Variants in RFTN1 observed in about 807,000 individuals in gnomAD.
The protein encoded by RFTN1 is raftlin.
Under a neutral mutation model 46.5 loss-of-function variants are expected in RFTN1, and 26 were observed. That is an observed-to-expected ratio of 0.56 (90% CI 0.41 to 0.78). The LOEUF (loss-of-function observed/expected upper bound fraction) is 0.78, where lower values mean the gene tolerates loss of function less well. Among genes scored for constraint, RFTN1 ranks in the 30% least tolerant of loss-of-function variants. The pLI is 0.00. For missense variants in RFTN1, 693 were observed against 718.7 expected (o/e 0.96, Z 0.41); for synonymous variants, 261 against 284.2 (o/e 0.92, Z 0.82).
chr3:16,463,251 A>T (rs1013621856), intron 2 of RFTN1, among the ~76,000 whole-genome samples: 16 of 152,254 alleles, frequency 1.1e-4, no homozygotes, highest in African/African-American at 3.1e-4. Context: ...TCCCTCCCTC[A>T]AACACTGCTT....
intron 6 of RFTN1, among the ~76,000 whole-genome samples, chr3:16,365,530 C>CA (rs796105659): frequency 2.2e-5 from 3 of 134,142 alleles, no homozygotes; most frequent in Non-Finnish European, 3.1e-5. Context: ...TGCTAGGTGT[C>CA]AAAAAAAGGT....
At position 16,475,186 on chromosome 3, in the gene RFTN1, C is replaced by T. The variant is rs1048176258; in HGVS notation, c.145+18539G>A. On this transcript the variant is annotated intron_variant, in intron 2 of 9. Transcript: ENST00000334133. The surrounding 1 kb of genome is among the most constrained non-coding windows in gnomAD (Gnocchi z 4.2). ...ATGTTTGGAAGCTCCTGGAAGCCCT[C>T]ACCAGAAGCAGATGCTGACGCCATG... is the stretch of plus-strand genomic sequence containing the variant. Among the ~76,000 whole-genome samples the T allele has an allele frequency of 2.6e-5, 4 of 152,238 alleles. No homozygotes were observed. In the East Asian group the frequency reaches 5.8e-4, roughly 22 times the overall value.
chr3:16,434,158 TC>T, intron 2 of RFTN1, 121 bp from the exon 3 acceptor site: 1 of 828,904 alleles, frequency 1.2e-6, no homozygotes, highest in Non-Finnish European at 1.8e-6. Context: ...AATGAGTTTG[TC>T]CCAGTTTTTA....
At chr3:16,404,717 A>C (rs2074810203) in intron 4 of RFTN1, among the ~76,000 whole-genome samples, 1 of 151,558 alleles carries the variant, frequency 6.6e-6, no homozygotes, top group Non-Finnish European at 1.5e-5. Context: ...CTCCAGTCTC[A>C]GTTCCTCACT....
At position 16,337,593 on chromosome 3, in the gene RFTN1, T is replaced by G. The variant is rs149206579; in HGVS notation, c.1147-10717A>C. Among the ~76,000 whole-genome samples the G allele has an allele frequency of 1.5e-4, 23 of 151,786 alleles. No homozygotes were observed. The highest frequency in any genetic ancestry group is 5.1e-4 in the African/African-American group (21 of 41,374). ...CTCGTCTCTACTAAAAATACAAAAA[T>G]TAGCCAAGCATGGTGGCAGGCGCCT... On this transcript the variant is annotated intron_variant, in intron 7 of 9. Transcript: ENST00000334133. The surrounding 1 kb of genome is among the most constrained non-coding windows in gnomAD (Gnocchi z 5.0).
chr3:16,395,535 T>C (rs1324773594), intron 4 of RFTN1, among the ~76,000 whole-genome samples: 1 of 151,950 alleles, frequency 6.6e-6, no homozygotes, highest in Non-Finnish European at 1.5e-5. Flanking sequence ...AACTTCGAAC[T>C]CCTGGAATCA....
At position 16,356,585 on chromosome 3, in the gene RFTN1, A is replaced by G. The variant is rs964111625; in HGVS notation, c.1146+1347T>C. On this transcript the variant is annotated intron_variant, in intron 7 of 9. Coordinates refer to ENST00000334133, the MANE Select transcript of RFTN1 (RefSeq NM_015150.2). The surrounding 1 kb of genome is among the most constrained non-coding windows in gnomAD (Gnocchi z 4.9). Reference sequence around the variant, plus strand: ...TAGTGTCCCGGGGGACATCCAACTCACCCCCCACCATCCCATCTCCACTTC... The same window carrying G: ...TAGTGTCCCGGGGGACATCCAACTCGCCCCCCACCATCCCATCTCCACTTC... Among the ~76,000 whole-genome samples, 1 of 151,844 alleles carries G rather than the reference A, an allele frequency of 6.6e-6. No individual in the cohort carries two copies. Among genetic ancestry groups the G allele is most frequent in the Admixed American group, 6.6e-5 (1 of 15,246 alleles).
rs372955811 is a variant in RFTN1 at position 16,457,459 on chromosome 3, A to G, written c.146-23422T>C. 1.2e-4 allele frequency among the ~76,000 whole-genome samples: 19 copies of G among 152,252 alleles called. No individual in the cohort carries two copies. Among genetic ancestry groups the G allele is most frequent in the Admixed American group, 9.2e-4 (14 of 15,288 alleles). On this transcript the variant is annotated intron_variant, in intron 2 of 9. Transcript: ENST00000334133. This position sits in a 1 kb window ranked among gnomAD's most constrained non-coding sequence, Gnocchi z 4.2. The stretch of plus-strand genomic sequence containing the variant: ...CATTTCTAGAACATAGTAGTACTCA[A>G]TAAATGCCGGTTATCATTATACCTT...
At chr3:16,403,740 A>G (rs1194356225) in intron 4 of RFTN1, among the ~76,000 whole-genome samples, 1 of 21,380 alleles carries the variant, frequency 4.7e-5, no homozygotes, top group Non-Finnish European at 6.7e-5. Context: ...TATATATTAT[A>G]TTATATATTA....
chr3:16,378,151 C>G, intron 4 of RFTN1, 49 bp from the exon 5 acceptor site: 3 of 1,525,032 alleles, frequency 2.0e-6, no homozygotes, highest in East Asian at 2.3e-5. Context: ...AATGGTCTAT[C>G]AAAGGGACAC....
At chr3:16,510,918 A>C (rs576131184) in intron 1 of RFTN1, among the ~76,000 whole-genome samples, 17 of 152,256 alleles carry the variant, frequency 1.1e-4, no homozygotes, top group African/African-American at 4.1e-4. Flanking sequence ...TTAACAGAAT[A>C]TACAAACAAA....
At chr3:16,391,872 T>G (rs2074351803) in intron 4 of RFTN1, among the ~76,000 whole-genome samples, 1 of 15,642 alleles carries the variant, frequency 6.4e-5, no homozygotes, top group African/African-American at 2.6e-4. Flanking sequence ...TTTTTTTGTT[T>G]TTTTTTTTTG....
rs550642806 is a variant in RFTN1 at position 16,343,560 on chromosome 3, G to T, written c.1146+14372C>A. Among the ~76,000 whole-genome samples the T allele has an allele frequency of 5.3e-5, 8 of 152,278 alleles. No individual in the cohort carries two copies. In the South Asian group the frequency reaches 1.7e-3, roughly 32 times the overall value. On this transcript the variant is annotated intron_variant, in intron 7 of 9. Transcript: ENST00000334133. ...CTGCTGATGTTTCTCATCAAATATG[G>T]TGGTCATGGTGGAACCTAAGACTCT...
At chr3:16,378,492 G>A (rs578262408) in intron 4 of RFTN1, among the ~76,000 whole-genome samples, 3 of 152,036 alleles carry the variant, frequency 2.0e-5, no homozygotes, top group Admixed American at 6.5e-5. Flanking sequence ...TTTTTCGGAC[G>A]AATCACTGAC....
intron 3 of RFTN1, among the ~76,000 whole-genome samples, chr3:16,419,190 A>G (rs550971030): frequency 6.6e-6 from 1 of 152,326 alleles, no homozygotes; most frequent in East Asian, 1.9e-4. Flanking sequence ...AGAGGCTGTA[A>G]TGATGAGCCT....
At chr3:16,405,914 G>T (rs1293965726) in intron 4 of RFTN1, among the ~76,000 whole-genome samples, 1 of 152,168 alleles carries the variant, frequency 6.6e-6, no homozygotes, top group African/African-American at 2.4e-5. Context: ...AAAAATGACT[G>T]CAAGTTGAGG....
Position 16,475,502 on chromosome 3 carries a change from CA to C in RFTN1, c.145+18222del, listed in dbSNP as rs1263057780. Reference sequence around the variant, plus strand: ...CCACAGAAACAAAAGGCAAAGAAGGCAATTACCCTACTGGGTGAGGTGAATG... The same window carrying C: ...CCACAGAAACAAAAGGCAAAGAAGGCATTACCCTACTGGGTGAGGTGAATG... On this transcript the variant is annotated intron_variant, in intron 2 of 9. Coordinates refer to ENST00000334133, the MANE Select transcript of RFTN1 (RefSeq NM_015150.2). The surrounding 1 kb of genome is among the most constrained non-coding windows in gnomAD (Gnocchi z 4.2). Among the ~76,000 whole-genome samples the C allele has an allele frequency of 3.3e-5, 5 of 152,202 alleles. No homozygotes were observed. Among genetic ancestry groups the C allele is most frequent in the Non-Finnish European group, 7.3e-5 (5 of 68,042 alleles).
chr3:16,333,858 T>C (rs2070580289), intron 7 of RFTN1, among the ~76,000 whole-genome samples: 1 of 152,140 alleles, frequency 6.6e-6, no homozygotes, highest in South Asian at 2.1e-4. Flanking sequence ...CAGAATCTCA[T>C]AAGAAAAATG....
In RFTN1 at chr3:16,451,288, T is replaced by C. The variant is rs1228551260; in HGVS notation, c.146-17251A>G. Reference sequence around the variant, plus strand: ...GCAGAACGTCTCATCAGTGACCTCCTCTTACCCACCACGTCAGATCCCCCA... The same window carrying C: ...GCAGAACGTCTCATCAGTGACCTCCCCTTACCCACCACGTCAGATCCCCCA... On this transcript the variant is annotated intron_variant, in intron 2 of 9. Coordinates refer to ENST00000334133, the MANE Select transcript of RFTN1 (RefSeq NM_015150.2). This position sits in a 1 kb window ranked among gnomAD's most constrained non-coding sequence, Gnocchi z 4.2. 2.0e-5 allele frequency among the ~76,000 whole-genome samples: 3 copies of C among 152,128 alleles called. No homozygotes were observed. Among genetic ancestry groups the C allele is most frequent in the African/African-American group, 7.2e-5 (3 of 41,436 alleles).
Sources: allele counts gnomAD v4.1 joint callset (sites outside exome capture counted in the v4.1 genomes callset), GRCh38; gene constraint gnomAD v4.1.1; non-coding constraint Gnocchi (gnomAD v3.1); transcripts MANE v1.5; gene names NCBI Gene and HGNC (gene_info 2026-07-23, HGNC 2026-07-21).